Variants in ABTB3 observed in about 807,000 individuals in gnomAD.
The protein encoded by ABTB3 is ankyrin repeat- and BTB/POZ domain-containing protein 3.
At chr12:107,356,972 A>T in the ABTB3 span, among the ~76,000 whole-genome samples, 1 of 152,228 alleles carries the variant, frequency 6.6e-6, no homozygotes, top group Non-Finnish European at 1.5e-5. Context: ...GGAAAAAGAA[A>T]ATCAGCTCAA....
At chr12:107,528,640 G>C in the ABTB3 span, among the ~76,000 whole-genome samples, 2 of 152,302 alleles carry the variant, frequency 1.3e-5, no homozygotes, top group African/African-American at 4.8e-5. Context: ...TATAGAGCAG[G>C]GTTTGAAAGG....
chr12:107,493,479 C>A, the ABTB3 span, among the ~76,000 whole-genome samples: 2 of 152,194 alleles, frequency 1.3e-5, no homozygotes, highest in Non-Finnish European at 2.9e-5. Context: ...CTTCTCTCAG[C>A]CTCAGAGGCC....
the ABTB3 span, among the ~76,000 whole-genome samples, chr12:107,534,187 G>A: frequency 6.7e-6 from 1 of 148,666 alleles, no homozygotes; most frequent in Non-Finnish European, 1.5e-5. Context: ...TCCAGCCTGG[G>A]TAACATAGCA....
the ABTB3 span, chr12:107,615,242 G>C: frequency 1.8e-6 from 2 of 1,114,290 alleles, no homozygotes; most frequent in South Asian, 2.7e-5. Flanking sequence ...CTCCCAGCAT[G>C]CATATTCTCT....
At chr12:107,358,722 A>C in the ABTB3 span, among the ~76,000 whole-genome samples, 1 of 152,192 alleles carries the variant, frequency 6.6e-6, no homozygotes, top group East Asian at 1.9e-4. Flanking sequence ...AGCCTCCTGA[A>C]TAGCTGGGAT....
chr12:107,611,813 G>C, the ABTB3 span, among the ~76,000 whole-genome samples: 9 of 152,150 alleles, frequency 5.9e-5, no homozygotes, highest in Non-Finnish European at 8.8e-5. Context: ...TTTTCCATTA[G>C]AGCTTTACTG....
At chr12:107,418,045 G>A in the ABTB3 span, among the ~76,000 whole-genome samples, 1 of 152,216 alleles carries the variant, frequency 6.6e-6, no homozygotes, top group Non-Finnish European at 1.5e-5. Context: ...AATTTGATTG[G>A]ATTAAAGGAT....
At chr12:107,482,916 CTTTCTTTCT>C in the ABTB3 span, among the ~76,000 whole-genome samples, 3 of 43,896 alleles carry the variant, frequency 6.8e-5, no homozygotes, top group East Asian at 8.5e-4. Flanking sequence ...CTTTCTTCTT[CTTTCTTTCT>C]TTCTTTCTTT....
the ABTB3 span, among the ~76,000 whole-genome samples, chr12:107,467,150 G>A: frequency 6.6e-6 from 1 of 152,088 alleles, no homozygotes; most frequent in Non-Finnish European, 1.5e-5. Flanking sequence ...GGTATAATGA[G>A]CTCCCAAACT....
the ABTB3 span, chr12:107,486,696 C>A: frequency 6.7e-6 from 1 of 148,814 alleles, no homozygotes; most frequent in Admixed American, 6.7e-5. Context: ...GCAAAGCTAA[C>A]CACATCCTCC....
At chr12:107,451,421 A>G in the ABTB3 span, among the ~76,000 whole-genome samples, 1 of 152,212 alleles carries the variant, frequency 6.6e-6, no homozygotes, top group South Asian at 2.1e-4. Flanking sequence ...AGAGAGGTGC[A>G]TGTAATGGAT....
the ABTB3 span, among the ~76,000 whole-genome samples, chr12:107,593,365 C>G: frequency 2.6e-5 from 4 of 152,138 alleles, no homozygotes; most frequent in African/African-American, 9.7e-5. Flanking sequence ...TCTTGTGGGA[C>G]TTGTGTTACT....
the ABTB3 span, among the ~76,000 whole-genome samples, chr12:107,452,092 C>T: frequency 4.6e-5 from 7 of 152,120 alleles, no homozygotes; most frequent in African/African-American, 7.2e-5. Context: ...TTCATTCATT[C>T]GGTCAGCAAT....
At chr12:107,578,609 G>A in the ABTB3 span, among the ~76,000 whole-genome samples, 1 of 151,956 alleles carries the variant, frequency 6.6e-6, no homozygotes, top group Non-Finnish European at 1.5e-5. Flanking sequence ...TTAACCCAGA[G>A]AGTTCTCTGA....
the ABTB3 span, among the ~76,000 whole-genome samples, chr12:107,387,453 G>C: frequency 6.6e-6 from 1 of 152,198 alleles, no homozygotes; most frequent in African/African-American, 2.4e-5. Context: ...GCTGGGCTAG[G>C]TGCTGAGGGC....
At chr12:107,565,366 T>A in the ABTB3 span, among the ~76,000 whole-genome samples, 3 of 152,194 alleles carry the variant, frequency 2.0e-5, no homozygotes, top group Non-Finnish European at 4.4e-5. Flanking sequence ...CAATTCTGAC[T>A]ATATGTGCTG....
At chr12:107,412,097 T>C in the ABTB3 span, among the ~76,000 whole-genome samples, 1 of 152,206 alleles carries the variant, frequency 6.6e-6, no homozygotes, top group Non-Finnish European at 1.5e-5. Flanking sequence ...CAATTGACAG[T>C]GTTTATAGGG....
chr12:107,352,183 C>CT, the ABTB3 span, among the ~76,000 whole-genome samples: 1 of 152,082 alleles, frequency 6.6e-6, no homozygotes, highest in Non-Finnish European at 1.5e-5. Context: ...GTGCAGGGTG[C>CT]TGTGGGTACC....
the ABTB3 span, among the ~76,000 whole-genome samples, chr12:107,437,213 A>T: frequency 6.6e-6 from 1 of 152,130 alleles, no homozygotes; most frequent in African/African-American, 2.4e-5. Flanking sequence ...ACACAGTTCC[A>T]GAGGTCAGAA....
Sources: allele counts gnomAD v4.1 joint callset (sites outside exome capture counted in the v4.1 genomes callset), GRCh38; gene constraint gnomAD v4.1.1; transcripts MANE v1.5; gene names NCBI Gene and HGNC (gene_info 2026-07-23, HGNC 2026-07-21).